LRATD1: variants seen among roughly 807,000 people sequenced by gnomAD.
The protein encoded by LRATD1 is protein LRATD1.
A neutral mutation model predicts 21.3 loss-of-function variants in LRATD1; 8 were observed. That is an observed-to-expected ratio of 0.38 (90% CI 0.22 to 0.68). The LOEUF is 0.68. Ranked by LOEUF, LRATD1 falls within the 30% of genes least tolerant of loss-of-function variation. The pLI is 0.54. For synonymous variants in LRATD1, 210 were observed against 186.2 expected, an observed-to-expected ratio of 1.13 and a Z score of -1.04; for missense variants, 380 against 404.0, an observed-to-expected ratio of 0.94 and a Z score of 0.51.
downstream of LRATD1, among the ~76,000 whole-genome samples, chr2:14,651,865 G>GTAAA (rs1672010642): frequency 6.6e-6 from 1 of 151,910 alleles, no homozygotes; most frequent in East Asian, 1.9e-4. Context: ...TATATCTAAG[G>GTAAA]TAAATGTACA....
At position 14,635,036 on chromosome 2, in the gene LRATD1, T is replaced by C. The variant is rs1314115501; in HGVS notation, c.*178T>C. 2.1e-6 allele frequency: 2 copies of C among 935,622 alleles called. No homozygotes were observed. Among genetic ancestry groups the C allele is most frequent in the African/African-American group, 3.3e-5 (2 of 61,078 alleles). The allele number at this position is 935,622 out of a possible 1,614,324, so 58.0% of individuals were successfully genotyped here. On this transcript the variant is annotated 3_prime_UTR_variant, in exon 2 of 2. Coordinates refer to ENST00000295092, the MANE Select transcript of LRATD1 (RefSeq NM_145175.4). ...ATCCCCAAGCCAGCGGCAGGAAGTC[T>C]CAGGAACTGCCCCAGGGCCGAAAGG...
chr2:14,633,512 G>A lies in LRATD1; in HGVS notation c.-36-432G>A, dbSNP rs1342942215. The A allele has an allele frequency of 6.0e-6, 1 of 166,770 alleles. No individual in the cohort carries two copies. Among genetic ancestry groups the A allele is most frequent in the Non-Finnish European group, 1.3e-5 (1 of 76,754 alleles). 10.3% of individuals were successfully genotyped at this position (166,770 alleles called of 1,614,324 possible). On this transcript the variant is annotated intron_variant, in intron 1 of 1. Transcript: ENST00000295092. The surrounding 1 kb of genome is among the most constrained non-coding windows in gnomAD (Gnocchi z 7.5). ...CAACCTAGTGCAAAACTGGGAGGTG[G>A]GCTGGAGAGGGTGGGGACAGAAATG...
chr2:14,641,728 AC>A (rs1671808192), downstream of LRATD1, among the ~76,000 whole-genome samples: 1 of 152,138 alleles, frequency 6.6e-6, no homozygotes, highest in South Asian at 2.1e-4. Flanking sequence ...GTCGCACAGG[AC>A]TTTTTGTAGA....
chr2:14,642,148 G>A (rs1671817152), downstream of LRATD1: 1 of 152,562 alleles, frequency 6.6e-6, no homozygotes, highest in Non-Finnish European at 1.5e-5. Flanking sequence ...CTAACGGTGT[G>A]TATCAACTTA....
chr2:14,634,958 GC>G lies in LRATD1; in HGVS notation c.*104del. Reference sequence around the variant, plus strand: ...GTCAGCGGTTCTCAACCTCTGCCCCGCCCCGCCACGCGCGTCCGCCGCCGGT... The same window carrying G: ...GTCAGCGGTTCTCAACCTCTGCCCCGCCCGCCACGCGCGTCCGCCGCCGGT... On this transcript the variant is annotated 3_prime_UTR_variant, in exon 2 of 2. Transcript: ENST00000295092. 1.4e-6 allele frequency: 2 copies of G among 1,406,456 alleles called. No individual in the cohort carries two copies. Among genetic ancestry groups the G allele is most frequent in the Non-Finnish European group, 1.9e-6 (2 of 1,048,034 alleles). 87.1% of individuals were successfully genotyped at this position (1,406,456 alleles called of 1,614,324 possible).
chr2:14,646,618 G>T (rs1477050274), intron 4 of LRATD1, among the ~76,000 whole-genome samples: 1 of 152,162 alleles, frequency 6.6e-6, no homozygotes, highest in Non-Finnish European at 1.5e-5. Flanking sequence ...TGGATAAAAA[G>T]TGTATTTGCA....
chr2:14,634,233 A>C lies in LRATD1; in HGVS notation c.254A>C (p.Gln85Pro), dbSNP rs1017293033. 1.8e-5 allele frequency: 29 copies of C among 1,612,296 alleles called. No individual in the cohort carries two copies. Among genetic ancestry groups the C allele is most frequent in the Non-Finnish European group, 2.5e-5 (29 of 1,179,844 alleles). ...CACCAGCTGGTCCTCAACGAGACTC[A>C]GTTTTCCGCCTTTCGGGGCCAGGAA... ...LLHQLVLNET[Q>P]FSAFRGQECI... Residue 85 changes from glutamine (Q) to proline (P), a missense_variant, in exon 2 of 2, where the codon CAG becomes CCG. Physicochemically the swap from Gln to Pro is moderately conservative, Grantham distance 76. Coordinates refer to ENST00000295092, the MANE Select transcript of LRATD1 (RefSeq NM_145175.4).
rs1247716733 is a variant in LRATD1 at position 14,636,968 on chromosome 2, TTTA to T, written c.*2113_*2115del. On this transcript the variant is annotated 3_prime_UTR_variant, in exon 2 of 2. Coordinates refer to ENST00000295092, the MANE Select transcript of LRATD1 (RefSeq NM_145175.4). ...TATTTTTCTTAAGCCTATTGAGTGA[TTTA>T]TTTTTTAAAAAATGTTTAAATGCAT... 2.4e-5 allele frequency: 4 copies of T among 167,064 alleles called. No individual in the cohort carries two copies. The highest frequency in any genetic ancestry group is 1.3e-4 in the Admixed American group (2 of 15,280). The allele number at this position is 167,064 out of a possible 1,614,324, so 10.3% of individuals were successfully genotyped here. A position where few individuals can be genotyped will look rare whatever the true frequency, so the allele number is the denominator to read the frequency against.
downstream of LRATD1, among the ~76,000 whole-genome samples, chr2:14,651,647 A>G (rs908382333): frequency 6.6e-6 from 1 of 152,042 alleles, no homozygotes; most frequent in African/African-American, 2.4e-5. Context: ...AGGGAGTTTG[A>G]GCATCTTTTC....
downstream of LRATD1, among the ~76,000 whole-genome samples, chr2:14,644,384 A>C (rs1671860242): frequency 6.6e-6 from 1 of 152,216 alleles, no homozygotes; most frequent in Admixed American, 6.5e-5. Context: ...AGGTAGAAAT[A>C]TAGATAAATA....
intron 4 of LRATD1, among the ~76,000 whole-genome samples, chr2:14,648,688 C>A (rs1232472994): frequency 6.6e-6 from 1 of 152,168 alleles, no homozygotes; most frequent in Admixed American, 6.5e-5. Context: ...CTTGTGCATC[C>A]TGTAAAAGAG....
chr2:14,635,683 T>A lies in LRATD1; in HGVS notation c.*825T>A. The A allele has an allele frequency of 4.3e-6, 2 of 461,372 alleles. No homozygotes were observed. The highest frequency in any genetic ancestry group is 3.2e-5 in the South Asian group (2 of 63,030). 28.6% of individuals were successfully genotyped at this position (461,372 alleles called of 1,614,324 possible). On this transcript the variant is annotated 3_prime_UTR_variant, in exon 2 of 2. Coordinates refer to ENST00000295092, the MANE Select transcript of LRATD1 (RefSeq NM_145175.4). ...GCCCCGCCCCCGACAAGGAGCTCGC[T>A]CGTTCACCTGGTGTCTGGGAACTTG...
chr2:14,634,695 C>G lies in LRATD1; in HGVS notation c.716C>G (p.Pro239Arg). The change falls in exon 2 of 2, where the codon CCG becomes CGG. Residue 239 changes from proline to arginine, a missense_variant. Coordinates refer to ENST00000295092, the MANE Select transcript of LRATD1 (RefSeq NM_145175.4). ...GGEVPAGTQP[P>R]QQQYYLKVHL... ...GAGGTGCCGGCAGGCACGCAGCCCC[C>G]GCAGCAGCAGTACTATCTCAAGGTG... is the stretch of plus-strand genomic sequence containing the variant. The G allele has an allele frequency of 6.5e-7, 1 of 1,548,896 alleles. No homozygotes were observed. The highest frequency in any genetic ancestry group is 8.7e-7 in the Non-Finnish European group (1 of 1,146,360).
Position 14,633,836 on chromosome 2 carries a change from C to A in LRATD1, c.-36-108C>A. Reference sequence around the variant, plus strand: ...CTGGAAAGGGTGACTCCGGTGAGGGCACGTAAGCTAGCCGGCAGGTCCCAG... The same window carrying A: ...CTGGAAAGGGTGACTCCGGTGAGGGAACGTAAGCTAGCCGGCAGGTCCCAG... On this transcript the variant is annotated intron_variant, in intron 1 of 1. Transcript: ENST00000295092. The surrounding 1 kb of genome is among the most constrained non-coding windows in gnomAD (Gnocchi z 7.5). The A allele has an allele frequency of 1.8e-6, 2 of 1,113,020 alleles. No homozygotes were observed. The highest frequency in any genetic ancestry group is 2.6e-5 in the East Asian group (1 of 38,338). The allele number at this position is 1,113,020 out of a possible 1,614,324, so 68.9% of individuals were successfully genotyped here.
downstream of LRATD1, chr2:14,649,913 A>G (rs1231906723): frequency 6.5e-6 from 1 of 153,204 alleles, no homozygotes; most frequent in East Asian, 1.9e-4. Flanking sequence ...AATAGGTCCA[A>G]GGAAACTTGC....
At chr2:14,641,878 A>G (rs1671809704), downstream of LRATD1, 3 of 152,148 alleles carry the variant, frequency 2.0e-5, no homozygotes, top group Non-Finnish European at 4.4e-5. Context: ...AGGTGGCTTT[A>G]GTCATTTTCT....
chr2:14,633,891 G>A lies in LRATD1; in HGVS notation c.-36-53G>A. 1 of 1,490,856 alleles carries A rather than the reference G, an allele frequency of 6.7e-7. No individual in the cohort carries two copies. The highest frequency in any genetic ancestry group is 9.0e-7 in the Non-Finnish European group (1 of 1,108,850). 92.4% of individuals were successfully genotyped at this position (1,490,856 alleles called of 1,614,324 possible). A position where few individuals can be genotyped will look rare whatever the true frequency, so the allele number is the denominator to read the frequency against. On this transcript the variant is annotated intron_variant, in intron 1 of 1. Transcript: ENST00000295092. The surrounding 1 kb of genome is among the most constrained non-coding windows in gnomAD (Gnocchi z 7.5). ...ACTGCACGTCTTGGGGAGGGACACCGAAAGGGGCAGCCCGGACTCTGACGG... is the reference window on the plus strand; with the variant it reads ...ACTGCACGTCTTGGGGAGGGACACCAAAAGGGGCAGCCCGGACTCTGACGG...
chr2:14,646,390 A>C (rs1671895255), intron 3 of LRATD1: 1 of 152,158 alleles, frequency 6.6e-6, no homozygotes, highest in Non-Finnish European at 1.5e-5. Context: ...TTTGTTTTTC[A>C]TCCTCAACTT....
In LRATD1 at chr2:14,634,696, G is replaced by A. The variant is rs767409304; in HGVS notation, c.717G>A (p.Pro239=). ...GGEVPAGTQP[P]QQQYYLKVHL... The stretch of plus-strand genomic sequence containing the variant: ...AGGTGCCGGCAGGCACGCAGCCCCC[G>A]CAGCAGCAGTACTATCTCAAGGTGC... The change falls in exon 2 of 2, where the codon CCG becomes CCA. Residue 239 remains proline (P), a synonymous_variant. Transcript: ENST00000295092. 7.1e-6 allele frequency: 11 copies of A among 1,549,052 alleles called. No homozygotes were observed. Among genetic ancestry groups the A allele is most frequent in the Non-Finnish European group, 8.7e-6 (10 of 1,146,450 alleles).
Sources: gnomAD v4.1 joint callset for allele counts (sites outside exome capture counted in the v4.1 genomes callset) on GRCh38, gnomAD v4.1.1 for gene constraint, Gnocchi (gnomAD v3.1) non-coding constraint, MANE v1.5 for transcripts, NCBI Gene and HGNC (gene_info 2026-07-23, HGNC 2026-07-21) for gene names.